SH3PXD2A: variants seen among roughly 807,000 people sequenced by gnomAD.
SH3PXD2A encodes SH3 and PX domains 2A.
A neutral mutation model predicts 115.2 loss-of-function variants in SH3PXD2A; 32 were observed. The ratio of observed to expected loss-of-function variants is 0.28; its 90% CI spans 0.21 to 0.37. SH3PXD2A has a LOEUF of 0.37. Ranked by LOEUF, SH3PXD2A falls within the 10% of genes least tolerant of loss-of-function variation. The pLI, the probability that SH3PXD2A is intolerant of heterozygous loss-of-function variation, is 1.00. For missense variants in SH3PXD2A, 1,328 were observed against 1,498.7 expected (o/e 0.89, Z 1.88); for synonymous variants, 610 against 629.1 (o/e 0.97, Z 0.45).
rs1369753464 is a variant in SH3PXD2A, at chr10:103,595,053, C to G, written c.*6763G>C. ...GACAGTCAAAGGGAAGTGGGCAAAA[C>G]CAGCTGAGAACCCGGGAGCTGGATG... On this transcript the variant is annotated 3_prime_UTR_variant, in exon 15 of 15. Coordinates refer to ENST00000369774, the MANE Select transcript of SH3PXD2A (RefSeq NM_001394015.1). The G allele has an allele frequency of 6.6e-6, 1 of 152,196 alleles. No homozygotes were observed. The highest frequency in any genetic ancestry group is 1.9e-4 in the East Asian group (1 of 5,192). 9.4% of individuals were successfully genotyped at this position (152,196 alleles called of 1,614,324 possible). A position where few individuals can be genotyped will look rare whatever the true frequency, so the allele number is the denominator to read the frequency against.
chr10:103,613,139 C>G lies in SH3PXD2A; in HGVS notation c.972G>C (p.Lys324Asn). Reference sequence around the variant, plus strand: ...TCTTCTTCCGGGTTGGCAGGTCATCCTTGGCCTTCTTCAGGTAGGATGCTG... The same window carrying G: ...TCTTCTTCCGGGTTGGCAGGTCATCGTTGGCCTTCTTCAGGTAGGATGCTG... The part of the protein sequence containing the change: ...WAPASYLKKA[K>N]DDLPTRKKNL... The change falls in exon 12 of 15, where the codon AAG (lysine) becomes AAC (asparagine). Residue 324 changes from lysine (K) to asparagine (N), a missense_variant. By Grantham distance (94) the Lys-to-Asn change is moderately conservative. Around this residue, in one of 5 missense-constraint regions of SH3PXD2A, gnomAD observed 509 missense variants for 628.3 expected, o/e 0.81. Coordinates refer to ENST00000369774, the MANE Select transcript of SH3PXD2A (RefSeq NM_001394015.1). 6.2e-7 allele frequency: 1 copy of G among 1,612,486 alleles called. No homozygotes were observed.
At chr10:103,761,393 A>G (rs1281228581) in intron 3 of SH3PXD2A, among the ~76,000 whole-genome samples, 1 of 152,180 alleles carries the variant, frequency 6.6e-6, no homozygotes, top group Admixed American at 6.5e-5. Flanking sequence ...GTCTCTAATT[A>G]TTTCAAAATA....
intron 13 of SH3PXD2A, among the ~76,000 whole-genome samples, chr10:103,608,368 C>T (rs2036367922): frequency 6.8e-6 from 1 of 146,124 alleles, no homozygotes; most frequent in Non-Finnish European, 1.5e-5. Context: ...GCTGTTAAGC[C>T]ACCCAGTGTG....
At chr10:103,689,053 T>G (rs2037715444) in intron 6 of SH3PXD2A, among the ~76,000 whole-genome samples, 1 of 152,124 alleles carries the variant, frequency 6.6e-6, no homozygotes, top group Non-Finnish European at 1.5e-5. Context: ...TTTATTTTTT[T>G]GGTAGAGAGA....
intron 2 of SH3PXD2A, among the ~76,000 whole-genome samples, chr10:103,778,261 G>C (rs1487934296): frequency 6.6e-6 from 1 of 152,206 alleles, no homozygotes; most frequent in African/African-American, 2.4e-5. Flanking sequence ...GAATCCGGGA[G>C]GCGGAGTTTG....
chr10:103,822,142 C>T (rs949649329), intron 1 of SH3PXD2A, among the ~76,000 whole-genome samples: 132 of 152,332 alleles, frequency 8.7e-4, no homozygotes, highest in African/African-American at 3.0e-3. Flanking sequence ...CTGCCTGCCT[C>T]GGCCTCCCGA....
intron 1 of SH3PXD2A, among the ~76,000 whole-genome samples, chr10:103,832,526 G>A (rs888756342): frequency 1.3e-5 from 2 of 152,162 alleles, no homozygotes; most frequent in South Asian, 4.1e-4. Context: ...ATGATAGACT[G>A]GATTAAGAAG....
rs2037382196 is a variant in SH3PXD2A, at chr10:103,666,238, T to C, written c.472+2370A>G. On this transcript the variant is annotated intron_variant, in intron 7 of 14. Transcript: ENST00000369774. The surrounding 1 kb of genome is among the most constrained non-coding windows in gnomAD (Gnocchi z 4.5). ...AATACATCATTCATGATTCAACACA[T>C]GTATCGAGCACCCACTAGGCGCCAA... Among the ~76,000 whole-genome samples the C allele has an allele frequency of 6.6e-6, 1 of 152,226 alleles. No individual in the cohort carries two copies. The highest frequency in any genetic ancestry group is 1.9e-4 in the East Asian group (1 of 5,202).
chr10:103,704,411 C>A (rs1344058926), intron 5 of SH3PXD2A, among the ~76,000 whole-genome samples: 1 of 152,202 alleles, frequency 6.6e-6, no homozygotes, highest in African/African-American at 2.4e-5. Flanking sequence ...TGAGACCACA[C>A]TGGTGGCTGG....
At chr10:103,682,512 C>CTT (rs1413307408) in intron 6 of SH3PXD2A, among the ~76,000 whole-genome samples, 1 of 152,218 alleles carries the variant, frequency 6.6e-6, no homozygotes, top group Non-Finnish European at 1.5e-5. Flanking sequence ...AATCGCAGCA[C>CTT]TTTGAGAGGC....
At chr10:103,692,935 C>CCCCCCCCCCCAA in intron 6 of SH3PXD2A, 93 bp downstream of exon 6, 1 of 800,482 alleles carries the variant, frequency 1.2e-6, no homozygotes, top group Non-Finnish European at 2.1e-6. Context: ...ACCCCCCCCT[C>CCCCCCCCCCCAA]CCCGCCCCCA....
intron 1 of SH3PXD2A, among the ~76,000 whole-genome samples, chr10:103,844,167 C>G (rs1842816372): frequency 6.6e-6 from 1 of 152,202 alleles, no homozygotes; most frequent in Non-Finnish European, 1.5e-5. Flanking sequence ...GAGGCTCTGA[C>G]CAGCAGAAAT....
At chr10:103,617,517 G>C (rs1294664863) in intron 10 of SH3PXD2A, among the ~76,000 whole-genome samples, 1 of 152,206 alleles carries the variant, frequency 6.6e-6, no homozygotes. Context: ...GGTCACTGCT[G>C]CTCCCAGTGT....
At chr10:103,692,868 G>T (rs1175613258) in intron 6 of SH3PXD2A, among the ~76,000 whole-genome samples, 160 bp downstream of exon 6, 2 of 152,154 alleles carry the variant, frequency 1.3e-5, no homozygotes, top group Admixed American at 6.5e-5. Context: ...CTGAGGAGGG[G>T]CAAGTGAAGC....
At position 103,594,337 on chromosome 10, in the gene SH3PXD2A, C is replaced by G. The variant is rs929028925; in HGVS notation, c.*7479G>C. On this transcript the variant is annotated 3_prime_UTR_variant, in exon 15 of 15. Transcript: ENST00000369774. Reference sequence around the variant, plus strand: ...CATTGATTCTGGAAATATTTCAGCACTCAAATCGACTGCACTGAGTTTAAT... The same window carrying G: ...CATTGATTCTGGAAATATTTCAGCAGTCAAATCGACTGCACTGAGTTTAAT... 2.0e-5 allele frequency: 3 copies of G among 152,658 alleles called. No individual in the cohort carries two copies. The highest frequency in any genetic ancestry group is 7.2e-5 in the African/African-American group (3 of 41,462). 9.5% of individuals were successfully genotyped at this position (152,658 alleles called of 1,614,324 possible). A position where few individuals can be genotyped will look rare whatever the true frequency, so the allele number is the denominator to read the frequency against.
intron 8 of SH3PXD2A, among the ~76,000 whole-genome samples, chr10:103,633,705 G>A (rs1437003160): frequency 7.7e-6 from 1 of 129,844 alleles, no homozygotes; most frequent in African/African-American, 3.0e-5. Context: ...TCCAGTCTAG[G>A]CGATGGAGCA....
intron 13 of SH3PXD2A, chr10:103,609,729 C>T (rs1169280132): frequency 2.0e-5 from 3 of 152,168 alleles, no homozygotes; most frequent in Non-Finnish European, 2.9e-5. Flanking sequence ...ACTTTGTACC[C>T]CGCTATTTAT....
At chr10:103,624,465 G>A (rs982194007) in intron 9 of SH3PXD2A, among the ~76,000 whole-genome samples, 1 of 152,156 alleles carries the variant, frequency 6.6e-6, no homozygotes, top group African/African-American at 2.4e-5. Flanking sequence ...AGCACCCTGC[G>A]AATGTCAGGC....
chr10:103,849,654 C>G (rs1175866017), intron 1 of SH3PXD2A, among the ~76,000 whole-genome samples: 3 of 152,256 alleles, frequency 2.0e-5, no homozygotes, highest in Admixed American at 2.0e-4. Context: ...AAGCCCGGGC[C>G]AGGCAGGAAG....
Sources: gnomAD v4.1 joint callset for allele counts (sites outside exome capture counted in the v4.1 genomes callset) on GRCh38, gnomAD v4.1.1 for gene constraint, gnomAD v4.1.1 regional missense constraint, Gnocchi (gnomAD v3.1) non-coding constraint, MANE v1.5 for transcripts, NCBI Gene and HGNC (gene_info 2026-07-23, HGNC 2026-07-21) for gene names.